MYO3B: variants seen among roughly 807,000 people sequenced by gnomAD.
MYO3B encodes myosin-IIIb.
A neutral mutation model predicts 174.6 loss-of-function variants in MYO3B; 156 were observed. The observed-to-expected ratio is 0.89, with a 90% confidence interval of 0.78 to 1.02. MYO3B has a LOEUF of 1.02. MYO3B is among the 50% of genes least tolerant of loss of function. MYO3B has a pLI of 0.00. For missense variants in MYO3B, 1,632 were observed against 1,639.4 expected, an observed-to-expected ratio of 1.00 and a Z score of 0.08; for synonymous variants, 563 against 569.1, an observed-to-expected ratio of 0.99 and a Z score of 0.15.
rs766357615 is a variant in MYO3B at position 170,652,970 on chromosome 2, T to C, written c.3888-13T>C. The C allele has an allele frequency of 1.2e-4, 187 of 1,612,768 alleles. No individual in the cohort carries two copies. The highest frequency in any genetic ancestry group is 1.6e-4 in the Middle Eastern group (1 of 6,074). On this transcript the variant is annotated splice_polypyrimidine_tract_variant and intron_variant, in intron 34 of 34. Coordinates refer to ENST00000408978, the MANE Select transcript of MYO3B (RefSeq NM_138995.5). ...ATTTTTTGTTGAAAATCCTGTTGTT[T>C]TCTTTGTTGCAGCCAAATCAAAGTA...
chr2:170,306,919 C>T (rs1470215145), intron 7 of MYO3B, among the ~76,000 whole-genome samples: 1 of 152,166 alleles, frequency 6.6e-6, no homozygotes, highest in Non-Finnish European at 1.5e-5. Flanking sequence ...TTTCTTTTTA[C>T]AAGTAGCTTT....
chr2:170,238,438 C>T (rs1002440586), intron 7 of MYO3B, among the ~76,000 whole-genome samples: 7 of 151,994 alleles, frequency 4.6e-5, no homozygotes, highest in African/African-American at 9.7e-5. Context: ...CCTTTGAATC[C>T]ATTTGGCTTC....
chr2:170,254,006 GA>G (rs1434668802), intron 7 of MYO3B, among the ~76,000 whole-genome samples: 1 of 152,024 alleles, frequency 6.6e-6, no homozygotes, highest in African/African-American at 2.4e-5. Flanking sequence ...GATCTTTTGA[GA>G]AAAAACACTG....
chr2:170,244,632 A>G (rs763796428), intron 7 of MYO3B, among the ~76,000 whole-genome samples: 13 of 152,320 alleles, frequency 8.5e-5, no homozygotes, highest in Non-Finnish European at 1.2e-4. Context: ...CCTGCAGACT[A>G]CTATCTGGTG....
intron 8 of MYO3B, chr2:170,343,862 G>C (rs1046518496): frequency 6.6e-6 from 1 of 152,224 alleles, no homozygotes; most frequent in Non-Finnish European, 1.5e-5. Flanking sequence ...GAATAACAAT[G>C]CTTCTATAAT....
chr2:170,471,144 G>A (rs770073223), intron 25 of MYO3B, among the ~76,000 whole-genome samples: 5 of 151,812 alleles, frequency 3.3e-5, no homozygotes, highest in Non-Finnish European at 7.4e-5. Context: ...TCCGCCTCCC[G>A]GGTTCAAGCA....
At chr2:170,323,610 C>T (rs972365176) in intron 7 of MYO3B, among the ~76,000 whole-genome samples, 2 of 152,106 alleles carry the variant, frequency 1.3e-5, no homozygotes, top group Admixed American at 6.6e-5. Context: ...GAAGCTCGGC[C>T]GCACCATTAC....
chr2:170,347,720 G>C (rs2105585700), intron 8 of MYO3B, among the ~76,000 whole-genome samples: 1 of 152,298 alleles, frequency 6.6e-6, no homozygotes, highest in Non-Finnish European at 1.5e-5. Context: ...CATGATGCTA[G>C]AGTGTGCATG....
At chr2:170,611,443 T>C (rs1350918364) in intron 32 of MYO3B, among the ~76,000 whole-genome samples, 1 of 152,172 alleles carries the variant, frequency 6.6e-6, no homozygotes, top group African/African-American at 2.4e-5. Flanking sequence ...GCAGCAAAGC[T>C]TCACGTAAAA....
intron 34 of MYO3B, 82 bp downstream of exon 34, chr2:170,652,236 A>AGGAGGCCGGGCAGGGGTGCG: frequency 7.9e-7 from 1 of 1,265,454 alleles, no homozygotes; most frequent in Middle Eastern, 1.9e-4. Context: ...AAAACTTTCC[A>AGGAGGCCGGGCAGGGGTGCG]GAGAGGCTTC....
At chr2:170,441,159 A>C (rs1274674614) in intron 22 of MYO3B, among the ~76,000 whole-genome samples, 1 of 152,184 alleles carries the variant, frequency 6.6e-6, no homozygotes, top group African/African-American at 2.4e-5. Flanking sequence ...TATTAGTTCT[A>C]ACACTTCTTT....
At chr2:170,214,928 T>C (rs1343012821) in intron 5 of MYO3B, 100 bp downstream of exon 5, 13 of 877,956 alleles carry the variant, frequency 1.5e-5, no homozygotes, top group South Asian at 3.0e-5. Flanking sequence ...TGCTACACCA[T>C]AGGCTGAGGG....
rs187942789 is a variant in MYO3B at position 170,468,433 on chromosome 2, T to A, written c.3014+1722T>A. Among the ~76,000 whole-genome samples the A allele has an allele frequency of 8.3e-4, 126 of 152,314 alleles. No individual in the cohort carries two copies. In the Middle Eastern group the frequency reaches 0.014, roughly 16 times the overall value. ...GAAACCCTGAGTATACACCTGGTGG[T>A]GTTCTTGGGATCATGTTGTTGGGTT... On this transcript the variant is annotated intron_variant, in intron 25 of 34. Coordinates refer to ENST00000408978, the MANE Select transcript of MYO3B (RefSeq NM_138995.5).
intron 3 of MYO3B, among the ~76,000 whole-genome samples, chr2:170,212,997 A>G (rs1276856532): frequency 1.3e-5 from 2 of 152,186 alleles, no homozygotes; most frequent in Non-Finnish European, 2.9e-5. Context: ...CTCCCCAGTA[A>G]ACTGCAAGAT....
chr2:170,466,462 T>C, intron 24 of MYO3B, 44 bp from the exon 25 acceptor site: 1 of 1,580,762 alleles, frequency 6.3e-7, no homozygotes, highest in Non-Finnish European at 8.7e-7. Context: ...CTATCCATTG[T>C]GTTGGTGGTA....
intron 32 of MYO3B, among the ~76,000 whole-genome samples, chr2:170,547,288 C>G (rs568509592): frequency 1.3e-5 from 2 of 151,654 alleles, no homozygotes; most frequent in South Asian, 4.2e-4. Context: ...CGAGATCGCG[C>G]CACTGTACTC....
rs555915090 is a variant in MYO3B at position 170,536,292 on chromosome 2, G to C, written c.3576-6614G>C. Among the ~76,000 whole-genome samples the C allele has an allele frequency of 8.3e-4, 126 of 152,208 alleles. 1 individual carries two copies. Among genetic ancestry groups the C allele is most frequent in the Admixed American group, 5.2e-4 (8 of 15,284 alleles). ...CAATGGCATTATGAGACAGTCATCA[G>C]CCTTTTTGAGCCCTTCTGATGAATT... On this transcript the variant is annotated intron_variant, in intron 30 of 34. Transcript: ENST00000408978.
At chr2:170,338,080 A>G (rs2093956942) in intron 8 of MYO3B, 1 of 152,192 alleles carries the variant, frequency 6.6e-6, no homozygotes, top group Non-Finnish European at 1.5e-5. Flanking sequence ...AAATCCTATT[A>G]TATGCCAATT....
intron 32 of MYO3B, among the ~76,000 whole-genome samples, chr2:170,602,632 T>C (rs1189822673): frequency 6.6e-6 from 1 of 152,220 alleles, no homozygotes. Flanking sequence ...AGTTGGACTA[T>C]TATAATGTCC....
Sources: gnomAD v4.1 joint callset for allele counts (sites outside exome capture counted in the v4.1 genomes callset) on GRCh38, gnomAD v4.1.1 for gene constraint, MANE v1.5 for transcripts, NCBI Gene and HGNC (gene_info 2026-07-23, HGNC 2026-07-21) for gene names.